PRKN: variants seen among roughly 807,000 people sequenced by gnomAD.
PRKN encodes the protein E3 ubiquitin-protein ligase parkin.
In PRKN, 56 loss-of-function variants were observed where a neutral mutation model predicts 59.5. That is an observed-to-expected ratio of 0.94 (90% confidence interval 0.76 to 1.18). The LOEUF is 1.18. Among genes scored for constraint, PRKN ranks in the 50% most tolerant of loss-of-function variants. PRKN has a pLI of 0.00. For synonymous variants in PRKN, 250 were observed against 222.1 expected (o/e 1.13, Z -1.12); for missense variants, 657 against 596.4 (o/e 1.10, Z -1.06).
Position 162,408,292 on chromosome 6 carries a change from G to GA in PRKN, c.171+35017dup, listed in dbSNP as rs989059433. ...CTCTAAAATTTCCCAACTATATTCA[G>GA]AAAAAAAAAACAAAACAAAAGCTTA... is the stretch of plus-strand genomic sequence containing the variant. On this transcript the variant is annotated intron_variant, in intron 2 of 11. Coordinates refer to ENST00000366898, the MANE Select transcript of PRKN (RefSeq NM_004562.3). Among the ~76,000 whole-genome samples the GA allele has an allele frequency of 1.3e-3, 186 of 144,906 alleles. 1 individual carries two copies. Among genetic ancestry groups the GA allele is most frequent in the Admixed American group, 1.8e-3 (26 of 14,550 alleles).
chr6:161,615,770 G>C (rs1181340199), intron 7 of PRKN, among the ~76,000 whole-genome samples: 2 of 152,224 alleles, frequency 1.3e-5, no homozygotes, highest in East Asian at 3.9e-4. Context: ...ATGCAATGGG[G>C]AGCTGATGGC....
In PRKN at chr6:161,410,388, G is replaced by C. The variant is rs1488089170; in HGVS notation, c.1084-23511C>G. 4.6e-5 allele frequency among the ~76,000 whole-genome samples: 7 copies of C among 152,130 alleles called. No individual in the cohort carries two copies. Among genetic ancestry groups the C allele is most frequent in the African/African-American group, 1.7e-4 (7 of 41,414 alleles). ...TTTTCAGTCCTTTCCTGGCCTGGGG[G>C]AAGCACGTACAATCCCTGAGCTATG... On this transcript the variant is annotated intron_variant, in intron 9 of 11. Transcript: ENST00000366898. This position sits in a 1 kb window ranked among gnomAD's most constrained non-coding sequence, Gnocchi z 5.3.
chr6:161,379,419 G>C lies in PRKN; in HGVS notation c.1167+7375C>G, dbSNP rs1194550451. ...AGTTTACCCTGCTAACCTTCCATTT[G>C]TACATTTCTCCAGTCTCTCTCATTC... On this transcript the variant is annotated intron_variant, in intron 10 of 11. Transcript: ENST00000366898. This position sits in a 1 kb window ranked among gnomAD's most constrained non-coding sequence, Gnocchi z 4.9. 6.6e-6 allele frequency among the ~76,000 whole-genome samples: 1 copy of C among 152,184 alleles called. No individual in the cohort carries two copies. The highest frequency in any genetic ancestry group is 2.4e-5 in the African/African-American group (1 of 41,442).
At chr6:161,609,531 T>C (rs1354146621) in intron 7 of PRKN, among the ~76,000 whole-genome samples, 2 of 152,164 alleles carry the variant, frequency 1.3e-5, no homozygotes, top group Admixed American at 6.5e-5. Flanking sequence ...AAATGACAAA[T>C]GTGAGGTTTC....
intron 5 of PRKN, among the ~76,000 whole-genome samples, chr6:161,999,276 G>A (rs1479178273): frequency 1.3e-5 from 2 of 152,040 alleles, no homozygotes; most frequent in Non-Finnish European, 2.9e-5. Flanking sequence ...AACCTGCTTG[G>A]GGTGGGGCGG....
At chr6:161,406,553 G>A (rs1323657298) in intron 9 of PRKN, among the ~76,000 whole-genome samples, 2 of 152,032 alleles carry the variant, frequency 1.3e-5, no homozygotes, top group African/African-American at 2.4e-5. Flanking sequence ...GTAACCACAG[G>A]ATTTTGAGTG....
rs1562602152 is a variant in PRKN, at chr6:162,235,950, G to GAAAGAAAGAAA, written c.412+26574_412+26575insTTTCTTTCTTT. ...GGAAGGAAGGAAGGAAGGAAGGAAG[G>GAAAGAAAGAAA]AAGAAAGGAAGAAAGAAAGAAAGAA... On this transcript the variant is annotated intron_variant, in intron 3 of 11. Transcript: ENST00000366898. 2.9e-5 allele frequency among the ~76,000 whole-genome samples: 3 copies of GAAAGAAAGAAA among 102,332 alleles called. 1 individual carries two copies. The East Asian group carries it at 7.2e-4, about 25-fold the overall frequency. 67.1% of individuals were successfully genotyped at this position (102,332 alleles called of 152,430 possible). A position where few individuals can be genotyped will look rare whatever the true frequency, so the allele number is the denominator to read the frequency against.
At chr6:161,812,506 T>TA (rs1791605712) in intron 6 of PRKN, among the ~76,000 whole-genome samples, 1 of 152,022 alleles carries the variant, frequency 6.6e-6, no homozygotes, top group African/African-American at 2.4e-5. Flanking sequence ...AGAGTATACA[T>TA]AAAAAAACTT....
At chr6:161,848,239 A>G (rs1161318726) in intron 6 of PRKN, among the ~76,000 whole-genome samples, 1 of 152,164 alleles carries the variant, frequency 6.6e-6, no homozygotes, top group African/African-American at 2.4e-5. Context: ...TAATGTTCAT[A>G]GACAATTTTT....
In PRKN at chr6:161,525,130, GGTGTGTGT is replaced by G. The variant is rs61133511; in HGVS notation, c.1083+23716_1083+23723del. Among the ~76,000 whole-genome samples, 1 of 149,316 alleles carries G rather than the reference GGTGTGTGT, an allele frequency of 6.7e-6. No individual in the cohort carries two copies. The highest frequency in any genetic ancestry group is 1.5e-5 in the Non-Finnish European group (1 of 67,162). On this transcript the variant is annotated intron_variant, in intron 9 of 11. Coordinates refer to ENST00000366898, the MANE Select transcript of PRKN (RefSeq NM_004562.3). This position sits in a 1 kb window ranked among gnomAD's most constrained non-coding sequence, Gnocchi z 4.7. ...TGACACATTCATTCATTTTCTAAAA[GGTGTGTGT>G]GTGTGTGTGTGTGTATGTGTGTGTG...
chr6:161,436,665 G>C (rs1788930640), intron 9 of PRKN, among the ~76,000 whole-genome samples: 1 of 151,998 alleles, frequency 6.6e-6, no homozygotes, highest in Admixed American at 6.5e-5. Flanking sequence ...TGAAACTCCT[G>C]CTCTGACCTC....
chr6:162,518,315 G>A (rs1172106844), intron 1 of PRKN, among the ~76,000 whole-genome samples: 2 of 152,070 alleles, frequency 1.3e-5, no homozygotes, highest in Admixed American at 1.3e-4. Flanking sequence ...ACACACAAAT[G>A]CATACATTTA....
chr6:161,690,808 C>T (rs916978471), intron 7 of PRKN, among the ~76,000 whole-genome samples: 37 of 152,302 alleles, frequency 2.4e-4, no homozygotes, highest in African/African-American at 8.7e-4. Context: ...CTCTCCAGCT[C>T]CCAGGCCTTC....
At chr6:161,608,858 G>C (rs578094579) in intron 7 of PRKN, among the ~76,000 whole-genome samples, 1 of 152,124 alleles carries the variant, frequency 6.6e-6, no homozygotes, top group East Asian at 1.9e-4. Context: ...TTTATCCTAA[G>C]ATTCATCTTG....
intron 9 of PRKN, among the ~76,000 whole-genome samples, chr6:161,519,589 T>C (rs1372407921): frequency 6.6e-6 from 1 of 152,134 alleles, no homozygotes; most frequent in Non-Finnish European, 1.5e-5. Context: ...GCAGGTGTGA[T>C]GGAGAACTTA....
chr6:162,066,634 G>C (rs923746722), intron 4 of PRKN, among the ~76,000 whole-genome samples: 4 of 152,140 alleles, frequency 2.6e-5, no homozygotes, highest in Non-Finnish European at 1.5e-5. Context: ...CTCCCTACTG[G>C]AGCACATAGA....
chr6:161,795,543 G>A (rs1197093427), intron 6 of PRKN, among the ~76,000 whole-genome samples: 3 of 151,926 alleles, frequency 2.0e-5, no homozygotes, highest in Non-Finnish European at 4.4e-5. Flanking sequence ...CCTTTGTATT[G>A]TTTTCTACCT....
At chr6:162,091,576 A>G (rs1779498042) in intron 4 of PRKN, among the ~76,000 whole-genome samples, 1 of 152,172 alleles carries the variant, frequency 6.6e-6, no homozygotes, top group Non-Finnish European at 1.5e-5. Flanking sequence ...AATGAACATC[A>G]CAAGGACAGG....
At chr6:162,604,466 G>A (rs966365315) in intron 1 of PRKN, among the ~76,000 whole-genome samples, 11 of 152,118 alleles carry the variant, frequency 7.2e-5, no homozygotes, top group Non-Finnish European at 1.5e-4. Context: ...CAGACTCTTC[G>A]TAAAGCCAGC....
Sources: gnomAD v4.1 joint callset for allele counts (sites outside exome capture counted in the v4.1 genomes callset) on GRCh38, gnomAD v4.1.1 for gene constraint, Gnocchi (gnomAD v3.1) non-coding constraint, MANE v1.5 for transcripts, NCBI Gene and HGNC (gene_info 2026-07-23, HGNC 2026-07-21) for gene names.